Variants in HFM1 observed in about 807,000 individuals in gnomAD.
HFM1 encodes the protein helicase for meiosis 1.
A neutral mutation model predicts 192.1 loss-of-function variants in HFM1; 169 were observed. That is an observed-to-expected ratio of 0.88 (90% CI 0.78 to 1.00). The LOEUF is 1.00. HFM1 is among the 50% of genes least tolerant of loss of function. The pLI is 0.00. For missense variants in HFM1, 1,661 were observed against 1,668.0 expected (o/e 1.00, Z 0.07); for synonymous variants, 525 against 537.8 (o/e 0.98, Z 0.33).
At chr1:91,268,221 A>T (rs1417897719) in intron 34 of HFM1, among the ~76,000 whole-genome samples, 1 of 151,996 alleles carries the variant, frequency 6.6e-6, no homozygotes, top group Non-Finnish European at 1.5e-5. Context: ...TTTCCTCTTA[A>T]TTCCCATATT....
At chr1:91,326,753 C>T (rs1405244502) in intron 20 of HFM1, among the ~76,000 whole-genome samples, 1 of 136,752 alleles carries the variant, frequency 7.3e-6, no homozygotes, top group African/African-American at 2.8e-5. Flanking sequence ...GTGTAAACTT[C>T]TCTTGACTTA....
intron 13 of HFM1, among the ~76,000 whole-genome samples, chr1:91,355,466 C>G (rs931620841): frequency 4.6e-5 from 7 of 151,228 alleles, no homozygotes; most frequent in African/African-American, 9.7e-5. Context: ...CTACATGCTG[C>G]CTACCAGAGA....
intron 34 of HFM1, among the ~76,000 whole-genome samples, chr1:91,270,403 G>A (rs1168482519): frequency 3.3e-5 from 5 of 152,024 alleles, no homozygotes; most frequent in Non-Finnish European, 7.4e-5. Flanking sequence ...TGTCTGATAT[G>A]TTAACTGTTA....
chr1:91,292,480 G>T (rs956063376), intron 30 of HFM1, among the ~76,000 whole-genome samples: 22 of 150,614 alleles, frequency 1.5e-4, no homozygotes, highest in African/African-American at 5.4e-4. Context: ...AAATACCTAG[G>T]AATCCAACTT....
chr1:91,324,306 A>G (rs1652562255), intron 21 of HFM1, among the ~76,000 whole-genome samples: 1 of 152,206 alleles, frequency 6.6e-6, no homozygotes. Flanking sequence ...TCCTTCACTC[A>G]TGGTAGACTT....
intron 13 of HFM1, among the ~76,000 whole-genome samples, chr1:91,357,316 G>A (rs1657880683): frequency 6.6e-6 from 1 of 152,140 alleles, no homozygotes. Context: ...CAACCACTGT[G>A]ATATATCACA....
At chr1:91,270,795 T>C (rs1666219554) in intron 34 of HFM1, among the ~76,000 whole-genome samples, 1 of 152,070 alleles carries the variant, frequency 6.6e-6, no homozygotes, top group Non-Finnish European at 1.5e-5. Context: ...AGTCACTAAA[T>C]GGCCTGAACA....
intron 30 of HFM1, among the ~76,000 whole-genome samples, chr1:91,309,422 A>G (rs1650117627): frequency 1.3e-5 from 2 of 152,260 alleles, no homozygotes; most frequent in South Asian, 4.1e-4. Flanking sequence ...CTAAAAATAT[A>G]AAATAAAATG....
intron 2 of HFM1, among the ~76,000 whole-genome samples, chr1:91,397,400 C>T (rs995315623): frequency 1.3e-5 from 2 of 152,014 alleles, no homozygotes; most frequent in Non-Finnish European, 2.9e-5. Flanking sequence ...TTCATTAGGA[C>T]AAAAAGATAA....
intron 38 of HFM1, 30 bp from the exon 39 acceptor site, chr1:91,261,389 CTA>C (rs1665141099): frequency 2.8e-6 from 3 of 1,057,836 alleles, no homozygotes; most frequent in African/African-American, 3.3e-5. Flanking sequence ...GTAAAAATAA[CTA>C]TTTTTTAACA....
At chr1:91,328,809 A>T in intron 20 of HFM1, 1 of 1,611,286 alleles carries the variant, frequency 6.2e-7, no homozygotes, top group Non-Finnish European at 8.5e-7. Context: ...AAGTGCAAAC[A>T]TCTGCTGAGC....
intron 30 of HFM1, among the ~76,000 whole-genome samples, chr1:91,286,968 C>G (rs534742842): frequency 6.6e-6 from 1 of 152,004 alleles, no homozygotes; most frequent in African/African-American, 2.4e-5. Flanking sequence ...TAAAAAACGG[C>G]GCACCACGAG....
At chr1:91,398,983 G>A (rs1050651572) in intron 2 of HFM1, among the ~76,000 whole-genome samples, 3 of 152,028 alleles carry the variant, frequency 2.0e-5, no homozygotes, top group African/African-American at 4.8e-5. Context: ...GTGAGCCACC[G>A]TGCCTCGTCA....
intron 38 of HFM1, 41 bp from the exon 39 acceptor site, chr1:91,261,400 C>A: frequency 1.1e-6 from 1 of 908,228 alleles, no homozygotes; most frequent in Non-Finnish European, 1.5e-6. Flanking sequence ...TATTTTTTAA[C>A]ACAATTTATT....
chr1:91,365,560 G>C (rs1380482230), intron 13 of HFM1, among the ~76,000 whole-genome samples: 1 of 152,130 alleles, frequency 6.6e-6, no homozygotes, highest in Non-Finnish European at 1.5e-5. Context: ...ATTTGAAAAT[G>C]AATTCTGGGT....
Position 91,313,358 on chromosome 1 carries a change from G to T in HFM1, c.3382C>A (p.Pro1128Thr). The T allele has an allele frequency of 6.4e-7, 1 of 1,561,224 alleles. No homozygotes were observed. The highest frequency in any genetic ancestry group is 8.7e-7 in the Non-Finnish European group (1 of 1,143,212). Residue 1128 changes from proline (P) to threonine (T), a missense_variant, in exon 30 of 39, where the codon CCT becomes ACT. Coordinates refer to ENST00000370425, the MANE Select transcript of HFM1 (RefSeq NM_001017975.6). ...KHSDISTIAG[P>T]NKGTTASKKP... ...TAATACAGCTATTTACCTTTATTAG[G>T]TCCTGCTATTGTAGATATGTCTGAA...
At chr1:91,282,730 TAA>T (rs1457390611) in intron 30 of HFM1, among the ~76,000 whole-genome samples, 1 of 104,186 alleles carries the variant, frequency 9.6e-6, no homozygotes, top group Non-Finnish European at 1.9e-5. Context: ...AGGATTCATT[TAA>T]GTTATTTAGA....
chr1:91,364,626 A>AT lies in HFM1; in HGVS notation c.1685+10731dup, dbSNP rs1468902149. Among the ~76,000 whole-genome samples the AT allele has an allele frequency of 8.4e-3, 363 of 43,298 alleles. 2 individuals carry two copies. Among genetic ancestry groups the AT allele is most frequent in the Admixed American group, 0.017 (52 of 3,132 alleles). The allele number at this position is 43,298 out of a possible 152,430, so 28.4% of individuals were successfully genotyped here. On this transcript the variant is annotated intron_variant, in intron 13 of 38. Coordinates refer to ENST00000370425, the MANE Select transcript of HFM1 (RefSeq NM_001017975.6). The stretch of plus-strand genomic sequence containing the variant: ...CATATACATATATATATATATATAT[A>AT]TATATATTTTTTTTTTTTTTTTGAG...
In HFM1 at chr1:91,369,794, A is replaced by G. The variant is rs188715055; in HGVS notation, c.1685+5564T>C. Among the ~76,000 whole-genome samples, 16 of 152,328 alleles carry G rather than the reference A, an allele frequency of 1.1e-4. 1 individual carries two copies. In the East Asian group the frequency reaches 3.1e-3, roughly 29 times the overall value. ...AAAAAACCCTTCCAAAAATCAATGA[A>G]TCCAGGAACTGGTTTTTTGAGAAGA... On this transcript the variant is annotated intron_variant, in intron 13 of 38. Coordinates refer to ENST00000370425, the MANE Select transcript of HFM1 (RefSeq NM_001017975.6).
Sources: gnomAD v4.1 joint callset for allele counts (sites outside exome capture counted in the v4.1 genomes callset) on GRCh38, gnomAD v4.1.1 for gene constraint, MANE v1.5 for transcripts, NCBI Gene and HGNC (gene_info 2026-07-23, HGNC 2026-07-21) for gene names.